Variants in MIPOL1 observed in about 807,000 individuals in gnomAD.
MIPOL1 encodes mirror-image polydactyly gene 1 protein.
Under a neutral mutation model 60.9 loss-of-function variants are expected in MIPOL1, and 57 were observed. The ratio of observed to expected loss-of-function variants is 0.94; its 90% CI spans 0.76 to 1.17. The LOEUF (loss-of-function observed/expected upper bound fraction) is 1.17. MIPOL1 is among the 50% of genes most tolerant of loss of function. The pLI is 0.00. For synonymous variants in MIPOL1, 179 were observed against 168.8 expected (o/e 1.06, Z -0.47); for missense variants, 551 against 511.6 (o/e 1.08, Z -0.74).
At chr14:37,441,784 T>C (rs1365165881) in intron 11 of MIPOL1, among the ~76,000 whole-genome samples, 1 of 152,162 alleles carries the variant, frequency 6.6e-6, no homozygotes, top group Non-Finnish European at 1.5e-5. Context: ...TAGGATTGTT[T>C]TTCCCAATTC....
intron 11 of MIPOL1, among the ~76,000 whole-genome samples, chr14:37,468,487 T>C (rs2094631958): frequency 6.6e-6 from 1 of 152,222 alleles, no homozygotes; most frequent in Non-Finnish European, 1.5e-5. Context: ...GTAATTAGTC[T>C]GTAATCCACA....
chr14:37,384,280 T>C (rs1362570633), intron 10 of MIPOL1, among the ~76,000 whole-genome samples: 1 of 151,898 alleles, frequency 6.6e-6, no homozygotes, highest in Non-Finnish European at 1.5e-5. Flanking sequence ...TCTTATTTAT[T>C]ATTGATTGCT....
intron 1 of MIPOL1, among the ~76,000 whole-genome samples, chr14:37,214,787 T>G (rs977952943): frequency 2.0e-5 from 3 of 152,120 alleles, no homozygotes; most frequent in Admixed American, 2.0e-4. Flanking sequence ...TGCCAGTGTC[T>G]GGAAAGACAC....
chr14:37,377,530 C>T (rs1358816581), intron 10 of MIPOL1, among the ~76,000 whole-genome samples: 1 of 151,972 alleles, frequency 6.6e-6, no homozygotes, highest in Non-Finnish European at 1.5e-5. Flanking sequence ...GATAAAATAG[C>T]CCTATATTTT....
intron 11 of MIPOL1, among the ~76,000 whole-genome samples, chr14:37,435,452 T>A (rs1300535281): frequency 6.6e-6 from 1 of 151,894 alleles, no homozygotes; most frequent in Non-Finnish European, 1.5e-5. Context: ...TTTATTATTA[T>A]TTTTTTTCAT....
intron 11 of MIPOL1, among the ~76,000 whole-genome samples, chr14:37,495,985 T>G (rs1228754434): frequency 1.3e-5 from 2 of 149,692 alleles, no homozygotes; most frequent in East Asian, 4.0e-4. Flanking sequence ...GTTTGTTTTT[T>G]TCTTGTAAAT....
intron 11 of MIPOL1, among the ~76,000 whole-genome samples, chr14:37,491,344 C>T (rs1229549231): frequency 6.6e-6 from 1 of 152,152 alleles, no homozygotes; most frequent in Non-Finnish European, 1.5e-5. Flanking sequence ...TCTTGTGCAA[C>T]ATGGCGAAAC....
chr14:37,534,654 AT>A lies in MIPOL1; in HGVS notation c.1263-12250del, dbSNP rs2095497794. Reference sequence around the variant, plus strand: ...TGGGAATGTTACATATGATTTAAATATCCCCTGAGAGACAAAGTGAAGGAGC... The same window carrying A: ...TGGGAATGTTACATATGATTTAAATACCCCTGAGAGACAAAGTGAAGGAGC... On this transcript the variant is annotated intron_variant, in intron 12 of 12. Coordinates refer to ENST00000684589, the MANE Select transcript of MIPOL1 (RefSeq NM_001388067.1). Among the ~76,000 whole-genome samples the A allele has an allele frequency of 2.6e-5, 4 of 152,304 alleles. No individual in the cohort carries two copies. In the South Asian group the frequency reaches 8.3e-4, roughly 32 times the overall value.
At chr14:37,271,804 A>C (rs537358007) in intron 6 of MIPOL1, among the ~76,000 whole-genome samples, 1 of 151,746 alleles carries the variant, frequency 6.6e-6, no homozygotes, top group Non-Finnish European at 1.5e-5. Flanking sequence ...ATGCATTTGC[A>C]TAATGTTAAC....
At chr14:37,374,478 G>C (rs1818755938) in intron 10 of MIPOL1, among the ~76,000 whole-genome samples, 1 of 152,078 alleles carries the variant, frequency 6.6e-6, no homozygotes, top group Non-Finnish European at 1.5e-5. Flanking sequence ...GTCCTGAATG[G>C]TATTGCCTAG....
chr14:37,298,709 A>G, intron 7 of MIPOL1, among the ~76,000 whole-genome samples: 1 of 152,150 alleles, frequency 6.6e-6, no homozygotes, highest in East Asian at 1.9e-4. Context: ...GCTCATCATC[A>G]CTGGCCATCA....
chr14:37,527,420 A>G (rs980240745), intron 12 of MIPOL1, among the ~76,000 whole-genome samples: 1 of 152,194 alleles, frequency 6.6e-6, no homozygotes, highest in African/African-American at 2.4e-5. Flanking sequence ...CATTTAAAAG[A>G]GTTATTTTTA....
At chr14:37,216,062 CAA>C (rs71449980) in intron 1 of MIPOL1, among the ~76,000 whole-genome samples, 8 of 85,818 alleles carry the variant, frequency 9.3e-5, no homozygotes, top group Non-Finnish European at 1.2e-4. Context: ...ACCTCCATCT[CAA>C]AAAAAAAAAA....
At chr14:37,514,571 A>G (rs1183900865) in intron 12 of MIPOL1, among the ~76,000 whole-genome samples, 1 of 152,146 alleles carries the variant, frequency 6.6e-6, no homozygotes, top group Non-Finnish European at 1.5e-5. Context: ...CTCTATTATT[A>G]AACACACAGA....
intron 7 of MIPOL1, among the ~76,000 whole-genome samples, chr14:37,292,143 T>C (rs1466195968): frequency 1.3e-5 from 2 of 151,830 alleles, no homozygotes; most frequent in South Asian, 4.2e-4. Context: ...GCCAGGATGG[T>C]CTCTATCTCT....
rs560674405 is a variant in MIPOL1, at chr14:37,510,164, A to G, written c.1262+10026A>G. ...ATACACACATCTATAAACTACATGTATATAGACATAGACTGTATATATGTA... is the reference window on the plus strand; with the variant it reads ...ATACACACATCTATAAACTACATGTGTATAGACATAGACTGTATATATGTA... On this transcript the variant is annotated intron_variant, in intron 12 of 12. Coordinates refer to ENST00000684589, the MANE Select transcript of MIPOL1 (RefSeq NM_001388067.1). 1.9e-3 allele frequency among the ~76,000 whole-genome samples: 285 copies of G among 152,118 alleles called. 1 individual carries two copies. The highest frequency in any genetic ancestry group is 2.1e-3 in the Non-Finnish European group (144 of 68,014).
chr14:37,255,990 T>C (rs1332179366), intron 3 of MIPOL1, among the ~76,000 whole-genome samples: 1 of 151,816 alleles, frequency 6.6e-6, no homozygotes, highest in Non-Finnish European at 1.5e-5. Context: ...ATGTTTTTGC[T>C]ACTCAATATT....
intron 6 of MIPOL1, chr14:37,277,844 A>G (rs567244278): frequency 6.6e-6 from 1 of 151,586 alleles, no homozygotes; most frequent in Admixed American, 6.6e-5. Flanking sequence ...TATATAGCCA[A>G]TAGTTGGAAA....
chr14:37,545,547 T>G, intron 12 of MIPOL1: 1 of 494,062 alleles, frequency 2.0e-6, no homozygotes, highest in Non-Finnish European at 3.6e-6. Flanking sequence ...GAAAAGTTTG[T>G]AGTAATAAAC....
Sources: gnomAD v4.1 joint callset for allele counts (sites outside exome capture counted in the v4.1 genomes callset) on GRCh38, gnomAD v4.1.1 for gene constraint, MANE v1.5 for transcripts, NCBI Gene and HGNC (gene_info 2026-07-23, HGNC 2026-07-21) for gene names.